RIMS2: variants seen among roughly 807,000 people sequenced by gnomAD.
RIMS2 encodes regulating synaptic membrane exocytosis protein 2.
A neutral mutation model predicts 174.4 loss-of-function variants in RIMS2; 59 were observed. The observed-to-expected ratio is 0.34, with a 90% CI of 0.27 to 0.42. The LOEUF is 0.42. RIMS2 is among the 10% of genes least tolerant of loss of function. RIMS2 has a pLI of 1.00. For synonymous variants in RIMS2, 606 were observed against 572.5 expected (o/e 1.06, Z -0.84); for missense variants, 1,620 against 1,666.3 (o/e 0.97, Z 0.48).
chr8:103,733,687 C>G (rs557717173), intron 2 of RIMS2, among the ~76,000 whole-genome samples: 105 of 152,286 alleles, frequency 6.9e-4, no homozygotes, highest in African/African-American at 2.5e-3. Context: ...CTTTCCACTT[C>G]ATCAGGTCAG....
intron 3 of RIMS2, among the ~76,000 whole-genome samples, chr8:103,874,330 C>G (rs1206707181): frequency 1.3e-5 from 2 of 151,950 alleles, no homozygotes; most frequent in Admixed American, 1.3e-4. Flanking sequence ...CTAATCATGG[C>G]TCAACCCTGA....
chr8:103,700,581 G>A (rs1463300677), intron 2 of RIMS2, among the ~76,000 whole-genome samples: 1 of 151,860 alleles, frequency 6.6e-6, no homozygotes, highest in African/African-American at 2.4e-5. Context: ...TATTCAACCT[G>A]ACAGTCTCTT....
At chr8:103,606,486 T>C (rs201455358) in intron 1 of RIMS2, among the ~76,000 whole-genome samples, 1 of 152,034 alleles carries the variant, frequency 6.6e-6, no homozygotes, top group Non-Finnish European at 1.5e-5. Context: ...TGTTGATTTG[T>C]GGTGGAGAGT....
chr8:103,990,976 A>G (rs907458330), intron 17 of RIMS2, among the ~76,000 whole-genome samples: 5 of 151,946 alleles, frequency 3.3e-5, no homozygotes, highest in African/African-American at 9.7e-5. Context: ...AAATGACCCT[A>G]GGTTTAATGG....
intron 19 of RIMS2, chr8:104,223,588 C>G: frequency 1.3e-6 from 2 of 1,494,244 alleles, no homozygotes; most frequent in Non-Finnish European, 1.8e-6. Flanking sequence ...GCTGCGGACG[C>G]TGCGCCCCAG....
chr8:103,761,497 T>C (rs566688519), intron 2 of RIMS2, among the ~76,000 whole-genome samples: 1 of 152,318 alleles, frequency 6.6e-6, no homozygotes, highest in East Asian at 1.9e-4. Context: ...AGGCACCTTT[T>C]TTTCCTGTGG....
intron 1 of RIMS2, among the ~76,000 whole-genome samples, chr8:103,581,287 C>T (rs1361710614): frequency 1.3e-5 from 2 of 152,124 alleles, no homozygotes; most frequent in Admixed American, 1.3e-4. Context: ...TCACCATGAT[C>T]AAGTGGGATT....
intron 3 of RIMS2, chr8:103,819,473 G>C: frequency 6.2e-7 from 1 of 1,608,160 alleles, no homozygotes; most frequent in Non-Finnish European, 8.5e-7. Flanking sequence ...AGGTGGTAGG[G>C]AAAAATAAGA....
intron 1 of RIMS2, among the ~76,000 whole-genome samples, chr8:103,516,678 G>A (rs1563605804): frequency 6.6e-6 from 1 of 152,040 alleles, no homozygotes; most frequent in Non-Finnish European, 1.5e-5. Flanking sequence ...CATACTTTAT[G>A]TGCTGGAAAA....
Position 104,093,244 on chromosome 8 carries a change from T to TG in RIMS2, c.3334+78633dup, listed in dbSNP as rs202023703. 7.9e-3 allele frequency among the ~76,000 whole-genome samples: 1,199 copies of TG among 152,168 alleles called. 20 individuals carry two copies. Among genetic ancestry groups the TG allele is most frequent in the African/African-American group, 0.028 (1,147 of 41,544 alleles). ...TTGAAACTATTTTAATGGCCTTCAC[T>TG]GGGGTGTGGTAAAAACATTCTAATT... On this transcript the variant is annotated intron_variant, in intron 19 of 23. Transcript: ENST00000504942.
chr8:103,504,776 A>G (rs1822466683), intron 1 of RIMS2, among the ~76,000 whole-genome samples: 1 of 143,662 alleles, frequency 7.0e-6, no homozygotes, highest in Non-Finnish European at 1.5e-5. Context: ...TTTTAAAAGT[A>G]TTTTCTAAAG....
chr8:103,994,194 G>A (rs2154551090), intron 17 of RIMS2, among the ~76,000 whole-genome samples: 1 of 152,082 alleles, frequency 6.6e-6, no homozygotes, highest in East Asian at 1.9e-4. Flanking sequence ...ATTCCTAAAG[G>A]GGACATTCGG....
intron 19 of RIMS2, among the ~76,000 whole-genome samples, chr8:104,214,117 T>G (rs1478919138): frequency 1.3e-5 from 2 of 152,158 alleles, no homozygotes; most frequent in Non-Finnish European, 2.9e-5. Flanking sequence ...AGCAGAGGAA[T>G]CCAAGTTATA....
intron 1 of RIMS2, among the ~76,000 whole-genome samples, chr8:103,533,082 AT>A (rs1838005477): frequency 6.6e-6 from 1 of 152,204 alleles, no homozygotes; most frequent in African/African-American, 2.4e-5. Context: ...ATATAAGCTG[AT>A]TTTCTTTACG....
At chr8:103,615,833 T>A (rs1434802988) in intron 1 of RIMS2, among the ~76,000 whole-genome samples, 1 of 152,108 alleles carries the variant, frequency 6.6e-6, no homozygotes, top group Non-Finnish European at 1.5e-5. Flanking sequence ...AAGTAATTGA[T>A]TCCCCAAACA....
intron 8 of RIMS2, 62 bp from the exon 12 acceptor site, chr8:103,918,379 A>G: frequency 2.0e-6 from 2 of 1,024,178 alleles, no homozygotes; most frequent in Non-Finnish European, 2.9e-6. Context: ...ATAATAAAAA[A>G]TATGAGTTGC....
chr8:103,638,560 A>G (rs1232623997), intron 1 of RIMS2, among the ~76,000 whole-genome samples: 1 of 152,048 alleles, frequency 6.6e-6, no homozygotes, highest in Admixed American at 6.6e-5. Flanking sequence ...GTTCGTCCTC[A>G]AATAGTTCCA....
chr8:103,567,665 C>T (rs549070693), intron 1 of RIMS2, among the ~76,000 whole-genome samples: 1 of 152,164 alleles, frequency 6.6e-6, no homozygotes, highest in Non-Finnish European at 1.5e-5. Flanking sequence ...TTTCATTGTG[C>T]TTGGATATAT....
At position 104,189,003 on chromosome 8, in the gene RIMS2, G is replaced by A. The variant is rs116496205; in HGVS notation, c.3335-55913G>A. On this transcript the variant is annotated intron_variant, in intron 19 of 23. Transcript: ENST00000504942. ...TGTTCATCCTTCCATAGCTTTAATT[G>A]CTCTTCATAAGTTAAATTATGTTTT... 4.6e-3 allele frequency among the ~76,000 whole-genome samples: 694 copies of A among 151,776 alleles called. 9 individuals are homozygous for A. The highest frequency in any genetic ancestry group is 0.016 in the African/African-American group (652 of 41,422).
Sources: gnomAD v4.1 joint callset for allele counts (sites outside exome capture counted in the v4.1 genomes callset) on GRCh38, gnomAD v4.1.1 for gene constraint, MANE v1.5 for transcripts, NCBI Gene and HGNC (gene_info 2026-07-23, HGNC 2026-07-21) for gene names.